The following CNTNAP4 variants were observed in gnomAD, a reference collection of about 807,000 sequenced individuals.
The protein encoded by CNTNAP4 is contactin associated protein family member 4, also known as contactin-associated protein-like 4.
In CNTNAP4, 98 loss-of-function variants were observed where a neutral mutation model predicts 148.4. The observed-to-expected ratio is 0.66, with a 90% CI of 0.56 to 0.78. The LOEUF is 0.78. Among genes scored for constraint, CNTNAP4 ranks in the 30% least tolerant of loss-of-function variants. The pLI, the probability that CNTNAP4 is intolerant of heterozygous loss-of-function variation, is 0.00. For synonymous variants in CNTNAP4, 730 were observed against 565.1 expected (o/e 1.29, Z -4.14); for missense variants, 1,935 against 1,565.6 (o/e 1.24, Z -3.98).
intron 2 of CNTNAP4, among the ~76,000 whole-genome samples, chr16:76,322,481 C>T (rs8058106): frequency 0.037 from 5,641 of 152,272 alleles, 360 homozygotes; most frequent in African/African-American, 0.13. Context: ...TGGTGTTAGA[C>T]ATATCTGGAA....
At chr16:76,303,054 C>T (rs1960146815) in intron 1 of CNTNAP4, among the ~76,000 whole-genome samples, 1 of 152,196 alleles carries the variant, frequency 6.6e-6, no homozygotes. Context: ...GCTTCTAAAA[C>T]AGTGGAAATG....
intron 3 of CNTNAP4, among the ~76,000 whole-genome samples, chr16:76,369,960 C>G (rs1418173496): frequency 6.6e-6 from 1 of 152,166 alleles, no homozygotes; most frequent in Non-Finnish European, 1.5e-5. Flanking sequence ...GGGCAGGTCT[C>G]TTTACTCAGT....
intron 3 of CNTNAP4, among the ~76,000 whole-genome samples, chr16:76,421,408 T>C (rs759620430): frequency 6.6e-6 from 1 of 152,114 alleles, no homozygotes; most frequent in Non-Finnish European, 1.5e-5. Flanking sequence ...TTATAATAAA[T>C]GAATTTTACA....
intron 3 of CNTNAP4, among the ~76,000 whole-genome samples, chr16:76,413,738 T>C: frequency 6.6e-6 from 1 of 151,350 alleles, no homozygotes; most frequent in South Asian, 2.1e-4. Context: ...CTTTTCAATA[T>C]GTATTTTCTA....
rs770085695 is a variant in CNTNAP4 at position 76,489,893 on chromosome 16, C to A, written c.2080+10C>A. The A allele has an allele frequency of 1.3e-6, 2 of 1,526,294 alleles. No homozygotes were observed. The highest frequency in any genetic ancestry group is 1.3e-5 in the South Asian group (1 of 79,328). The allele number at this position is 1,526,294 out of a possible 1,614,324, so 94.5% of individuals were successfully genotyped here. ...CTGGTCAATAAGCAAGGTAAGTAAA[C>A]CATGGTGTCTGTCTTGTTGCACACA... is the stretch of plus-strand genomic sequence containing the variant. On this transcript the variant is annotated intron_variant, in intron 13 of 23. Transcript: ENST00000611870.
intron 21 of CNTNAP4, among the ~76,000 whole-genome samples, chr16:76,552,050 T>G (rs2084973040): frequency 6.6e-6 from 1 of 152,288 alleles, no homozygotes; most frequent in South Asian, 2.1e-4. Context: ...AGGAAACTTA[T>G]AATCGGAAAG....
At chr16:76,290,998 C>T (rs8047479) in intron 1 of CNTNAP4, among the ~76,000 whole-genome samples, 20,105 of 151,986 alleles carry the variant, frequency 0.13, 2,091 homozygotes, top group East Asian at 0.29. Flanking sequence ...GTCTCTTACT[C>T]TTCTTATAAG....
chr16:76,551,989 T>C (rs2084969609), intron 21 of CNTNAP4, among the ~76,000 whole-genome samples: 1 of 152,172 alleles, frequency 6.6e-6, no homozygotes, highest in Non-Finnish European at 1.5e-5. Flanking sequence ...CTGGGTAATT[T>C]ATAAAGGAAA....
At chr16:76,400,066 A>C (rs769354050) in intron 3 of CNTNAP4, among the ~76,000 whole-genome samples, 2 of 152,192 alleles carry the variant, frequency 1.3e-5, no homozygotes, top group Admixed American at 1.3e-4. Context: ...TGTGCTTAAT[A>C]ATACCTTATA....
chr16:76,483,231 A>AACACACACACACACAC lies in CNTNAP4; in HGVS notation c.1882+3725_1882+3740dup, dbSNP rs59206208. On this transcript the variant is annotated intron_variant, in intron 12 of 23. Coordinates refer to ENST00000611870, the MANE Select transcript of CNTNAP4 (RefSeq NM_033401.5). Reference sequence around the variant, plus strand: ...ATCTCTAGTCTTTGAAGTTTTAAGAAACACACACACACACACACACACACA... The same window carrying AACACACACACACACAC: ...ATCTCTAGTCTTTGAAGTTTTAAGAAACACACACACACACACACACACACACACACACACACACACA... Among the ~76,000 whole-genome samples, 123 of 140,108 alleles carry AACACACACACACACAC rather than the reference A, an allele frequency of 8.8e-4. 2 individuals are homozygous for AACACACACACACACAC. The highest frequency in any genetic ancestry group is 6.0e-3 in the East Asian group (27 of 4,508). The allele number at this position is 140,108 out of a possible 152,430, so 91.9% of individuals were successfully genotyped here.
chr16:76,330,427 G>C (rs188834841), intron 2 of CNTNAP4, among the ~76,000 whole-genome samples: 2 of 152,092 alleles, frequency 1.3e-5, no homozygotes, highest in Non-Finnish European at 2.9e-5. Context: ...AAAATTTAAA[G>C]CATCATTGTG....
At chr16:76,492,056 C>G (rs1165708226) in intron 13 of CNTNAP4, among the ~76,000 whole-genome samples, 6 of 152,080 alleles carry the variant, frequency 3.9e-5, no homozygotes, top group African/African-American at 1.4e-4. Flanking sequence ...TATATGGAAT[C>G]TAAAAAAGTT....
At position 76,359,246 on chromosome 16, in the gene CNTNAP4, A is replaced by G. The variant is rs111971726; in HGVS notation, c.390+3735A>G. ...TATACCAATTATACAAAATATGCCA[A>G]TTTCCTTTAAGAGCTTCACAATCTG... is the stretch of plus-strand genomic sequence containing the variant. On this transcript the variant is annotated intron_variant, in intron 3 of 23. Transcript: ENST00000611870. Among the ~76,000 whole-genome samples the G allele has an allele frequency of 5.8e-3, 889 of 152,330 alleles. 10 individuals are homozygous for G. Among genetic ancestry groups the G allele is most frequent in the African/African-American group, 0.019 (795 of 41,570 alleles).
chr16:76,358,412 G>A (rs183186653), intron 3 of CNTNAP4, among the ~76,000 whole-genome samples: 28 of 152,178 alleles, frequency 1.8e-4, no homozygotes, highest in Non-Finnish European at 2.8e-4. Context: ...AAGATTAAGC[G>A]GAACATGCAA....
intron 15 of CNTNAP4, among the ~76,000 whole-genome samples, chr16:76,504,709 A>G (rs1272267476): frequency 6.6e-6 from 1 of 152,180 alleles, no homozygotes; most frequent in African/African-American, 2.4e-5. Flanking sequence ...TTTGCAAAAT[A>G]CATGTTTTAT....
At chr16:76,476,150 A>G in intron 11 of CNTNAP4, 105 bp downstream of exon 11, 1 of 709,896 alleles carries the variant, frequency 1.4e-6, no homozygotes. Context: ...CAAACTCAGC[A>G]TCCAGTGGTT....
intron 17 of CNTNAP4, among the ~76,000 whole-genome samples, chr16:76,527,116 G>C (rs1214846369): frequency 2.0e-5 from 3 of 152,048 alleles, no homozygotes; most frequent in African/African-American, 7.2e-5. Context: ...AAGAGTCTCT[G>C]GTCCTTCTTC....
At chr16:76,526,342 T>A (rs936376968) in intron 17 of CNTNAP4, among the ~76,000 whole-genome samples, 2 of 152,144 alleles carry the variant, frequency 1.3e-5, no homozygotes, top group Non-Finnish European at 2.9e-5. Flanking sequence ...GATTGAGGTA[T>A]ATATCGGACC....
intron 15 of CNTNAP4, among the ~76,000 whole-genome samples, chr16:76,519,752 A>G (rs1485858594): frequency 6.6e-6 from 1 of 152,222 alleles, no homozygotes; most frequent in Non-Finnish European, 1.5e-5. Flanking sequence ...ATATGGTTTC[A>G]TTTGACTCTG....
Sources: allele counts gnomAD v4.1 joint callset (sites outside exome capture counted in the v4.1 genomes callset), GRCh38; gene constraint gnomAD v4.1.1; transcripts MANE v1.5; gene names NCBI Gene and HGNC (gene_info 2026-07-23, HGNC 2026-07-21).